PSD2: variants seen among roughly 807,000 people sequenced by gnomAD.
PSD2 encodes pleckstrin and Sec7 domain containing 2.
PSD2 carries 38 observed loss-of-function variants against 69.8 expected under a neutral mutation model. The ratio of observed to expected loss-of-function variants is 0.54; its 90% confidence interval spans 0.42 to 0.71. The LOEUF is 0.71. Among genes scored for constraint, PSD2 ranks in the 30% least tolerant of loss-of-function variants. The pLI is 0.00. For synonymous variants in PSD2, 412 were observed against 423.0 expected (o/e 0.97, Z 0.32); for missense variants, 943 against 1,014.5 (o/e 0.93, Z 0.96).
At position 139,842,628 on chromosome 5, in the gene PSD2, C is replaced by T. The variant is rs374416659; in HGVS notation, c.*154C>T. 2.5e-5 allele frequency: 16 copies of T among 651,152 alleles called. No individual in the cohort carries two copies. Among genetic ancestry groups the T allele is most frequent in the Admixed American group, 1.7e-4 (6 of 36,180 alleles). The allele number at this position is 651,152 out of a possible 1,614,324, so 40.3% of individuals were successfully genotyped here. A position where few individuals can be genotyped will look rare whatever the true frequency, so the allele number is the denominator to read the frequency against. The stretch of plus-strand genomic sequence containing the variant: ...CTGTGGGCCCAGGAGATGGAGATGC[C>T]GTTTGTGGCGTTGATCTCCTTGCGT... On this transcript the variant is annotated 3_prime_UTR_variant, in exon 15 of 15. Coordinates refer to ENST00000274710, the MANE Select transcript of PSD2 (RefSeq NM_032289.4).
At chr5:139,777,584 C>G in the PSD2 span, among the ~76,000 whole-genome samples, 1 of 152,040 alleles carries the variant, frequency 6.6e-6, no homozygotes, top group Admixed American at 6.5e-5. Flanking sequence ...AAAGGCCATG[C>G]TAGAAATGTG....
chr5:139,824,188 G>A (rs1307988907), intron 7 of PSD2, among the ~76,000 whole-genome samples: 1 of 152,192 alleles, frequency 6.6e-6, no homozygotes, highest in African/African-American at 2.4e-5. Context: ...GCCTCCCTAT[G>A]GCTAAGAACT....
Position 139,842,711 on chromosome 5 carries a change from T to C in PSD2, c.*237T>C, listed in dbSNP as rs1581745327. The C allele has an allele frequency of 1.9e-6, 1 of 536,234 alleles. No individual in the cohort carries two copies. The highest frequency in any genetic ancestry group is 3.2e-5 in the Admixed American group (1 of 30,818). 33.2% of individuals were successfully genotyped at this position (536,234 alleles called of 1,614,324 possible). The stretch of plus-strand genomic sequence containing the variant: ...CTGGCCCTTGTTTTCCTCTCCACCA[T>C]GGAGCCTCATTTTGTAGGCCAGTTG... On this transcript the variant is annotated 3_prime_UTR_variant, in exon 15 of 15. Coordinates refer to ENST00000274710, the MANE Select transcript of PSD2 (RefSeq NM_032289.4).
intron 7 of PSD2, among the ~76,000 whole-genome samples, chr5:139,829,652 C>T (rs1054570579): frequency 5.3e-5 from 8 of 152,146 alleles, no homozygotes; most frequent in Non-Finnish European, 7.3e-5. Flanking sequence ...TTCATGTTGT[C>T]GCATGTATTA....
the PSD2 span, among the ~76,000 whole-genome samples, chr5:139,764,411 TGTGA>T: frequency 2.6e-5 from 4 of 150,948 alleles, no homozygotes; most frequent in East Asian, 5.8e-4. Context: ...CCCCTGGGAG[TGTGA>T]GTGAGGGGCG....
intron 7 of PSD2, among the ~76,000 whole-genome samples, chr5:139,827,834 C>T (rs1163109733): frequency 1.3e-5 from 2 of 152,208 alleles, no homozygotes; most frequent in Non-Finnish European, 2.9e-5. Flanking sequence ...GAACCACCCC[C>T]ATGATCCAAT....
At chr5:139,822,662 C>A in intron 6 of PSD2, 64 bp from the exon 7 acceptor site, 1 of 1,462,808 alleles carries the variant, frequency 6.8e-7, no homozygotes. Context: ...CGGGTTCCGT[C>A]AGGAGACAGG....
chr5:139,806,126 T>G (rs1182494383), intron 1 of PSD2, among the ~76,000 whole-genome samples: 1 of 152,194 alleles, frequency 6.6e-6, no homozygotes, highest in Non-Finnish European at 1.5e-5. Flanking sequence ...GGGCTGAGGC[T>G]AGTGGGAGAC....
chr5:139,824,394 G>GTTT lies in PSD2; in HGVS notation c.1269+1628_1269+1630dup, dbSNP rs3055525. On this transcript the variant is annotated intron_variant, in intron 7 of 14. Transcript: ENST00000274710. Reference sequence around the variant, plus strand: ...ACACTGAGGCTTTCGTCTCTCTCTTGTTTTTTTTTTTTTTTTTTTTGAGAC... The same window carrying GTTT: ...ACACTGAGGCTTTCGTCTCTCTCTTGTTTTTTTTTTTTTTTTTTTTTTTGAGAC... 2.8e-3 allele frequency among the ~76,000 whole-genome samples: 339 copies of GTTT among 119,396 alleles called. 10 individuals carry two copies. Among genetic ancestry groups the GTTT allele is most frequent in the East Asian group, 5.9e-3 (24 of 4,090 alleles). The allele number at this position is 119,396 out of a possible 152,430, so 78.3% of individuals were successfully genotyped here.
At chr5:139,822,282 G>C (rs1425851781) in intron 6 of PSD2, among the ~76,000 whole-genome samples, 1 of 152,238 alleles carries the variant, frequency 6.6e-6, no homozygotes, top group Non-Finnish European at 1.5e-5. Flanking sequence ...CTTCTCTGGG[G>C]TCCCTGTCAT....
At chr5:139,804,993 G>A (rs1279546420) in intron 1 of PSD2, among the ~76,000 whole-genome samples, 1 of 151,480 alleles carries the variant, frequency 6.6e-6, no homozygotes. Context: ...GTGCATGTGT[G>A]TGTCTCTGTG....
At chr5:139,831,551 G>A (rs958324602) in intron 7 of PSD2, among the ~76,000 whole-genome samples, 2 of 151,642 alleles carry the variant, frequency 1.3e-5, no homozygotes, top group African/African-American at 2.4e-5. Context: ...GCATTCTTTC[G>A]GAATTCCTTC....
chr5:139,747,369 C>G, the PSD2 span, among the ~76,000 whole-genome samples: 4 of 152,188 alleles, frequency 2.6e-5, no homozygotes, highest in South Asian at 6.2e-4. This position sits in a 1 kb window ranked among gnomAD's most constrained non-coding sequence, Gnocchi z 6.7. Context: ...CAGCCTCCCC[C>G]CCAGCTGTTA....
rs1478518773 is a variant in PSD2, at chr5:139,844,463, C to CTA, written c.*1990_*1991dup. On this transcript the variant is annotated 3_prime_UTR_variant, in exon 15 of 15. Coordinates refer to ENST00000274710, the MANE Select transcript of PSD2 (RefSeq NM_032289.4). ...ATGAAAATAAATCTAAGTCAAAGTT[C>CTA]TAATAGTTCTTCCTGCATTCGAATG... 1 of 152,506 alleles carries CTA rather than the reference C, an allele frequency of 6.6e-6. No individual in the cohort carries two copies. The highest frequency in any genetic ancestry group is 2.4e-5 in the African/African-American group (1 of 41,434). 9.4% of individuals were successfully genotyped at this position (152,506 alleles called of 1,614,324 possible).
At chr5:139,809,117 C>G (rs1269010275) in intron 1 of PSD2, among the ~76,000 whole-genome samples, 6 of 152,096 alleles carry the variant, frequency 3.9e-5, no homozygotes, top group African/African-American at 1.4e-4. Context: ...TGAACTCTGG[C>G]GGGCACAGCA....
chr5:139,749,182 C>T, the PSD2 span, among the ~76,000 whole-genome samples: 1 of 152,128 alleles, frequency 6.6e-6, no homozygotes, highest in African/African-American at 2.4e-5. Flanking sequence ...CAGTCGGTTC[C>T]CCCCTAGCAT....
rs887442582 is a variant in PSD2 at position 139,837,097 on chromosome 5, G to A, written c.1595-71G>A. On this transcript the variant is annotated intron_variant, in intron 10 of 14. Coordinates refer to ENST00000274710, the MANE Select transcript of PSD2 (RefSeq NM_032289.4). This position sits in a 1 kb window ranked among gnomAD's most constrained non-coding sequence, Gnocchi z 5.0. ...TGGGGACGAACATACAGGTGGACAC[G>A]TAGTGGGAGGTGGGGTTGGAGAGAC... is the stretch of plus-strand genomic sequence containing the variant. 10 of 1,598,710 alleles carry A rather than the reference G, an allele frequency of 6.3e-6. No homozygotes were observed. The African/African-American group carries it at 8.0e-5, about 13-fold the overall frequency.
chr5:139,796,599 T>A (rs559436105), intron 1 of PSD2, among the ~76,000 whole-genome samples: 74 of 151,652 alleles, frequency 4.9e-4, no homozygotes, highest in African/African-American at 1.7e-3. Context: ...GAGGGAGGGG[T>A]CCCAGGAGCG....
chr5:139,835,406 C>T (rs1448269800), intron 8 of PSD2, among the ~76,000 whole-genome samples: 2 of 152,166 alleles, frequency 1.3e-5, no homozygotes, highest in Admixed American at 6.5e-5. Flanking sequence ...TTTACCCTGT[C>T]GAGCACTTGC....
Sources: gnomAD v4.1 joint callset for allele counts (sites outside exome capture counted in the v4.1 genomes callset) on GRCh38, gnomAD v4.1.1 for gene constraint, Gnocchi (gnomAD v3.1) non-coding constraint, MANE v1.5 for transcripts, NCBI Gene and HGNC (gene_info 2026-07-23, HGNC 2026-07-21) for gene names.